IL1RAPL2: variants seen among roughly 807,000 people sequenced by gnomAD.
The protein encoded by IL1RAPL2 is X-linked interleukin-1 receptor accessory protein-like 2.
In IL1RAPL2, 3 loss-of-function variants were observed where a neutral mutation model predicts 44.1. The observed-to-expected ratio is 0.07, with a 90% CI of 0.03 to 0.18. The LOEUF (loss-of-function observed/expected upper bound fraction) is 0.18. IL1RAPL2 is among the 10% of genes least tolerant of loss of function. The pLI is 1.00. For synonymous variants in IL1RAPL2, 181 were observed against 178.8 expected (o/e 1.01, Z -0.10); for missense variants, 391 against 496.4 (o/e 0.79, Z 2.02).
At chrX:105,368,742 G>A (rs931401498) in intron 5 of IL1RAPL2, among the ~76,000 whole-genome samples, 6 of 111,209 alleles carry the variant, frequency 5.4e-5, no homozygotes, top group African/African-American at 2.0e-4. Context: ...TCACACTTGG[G>A]AAGTTTTCTG....
chrX:105,710,640 GTAGAT>G (rs2038201950), intron 6 of IL1RAPL2, among the ~76,000 whole-genome samples: 1 of 109,451 alleles, frequency 9.1e-6, no homozygotes, highest in African/African-American at 3.3e-5. Flanking sequence ...CTTTTTTTTA[GTAGAT>G]TAAACACTGT....
chrX:104,705,531 T>C (rs1931351237), intron 2 of IL1RAPL2, among the ~76,000 whole-genome samples: 1 of 111,288 alleles, frequency 9.0e-6, no homozygotes, highest in South Asian at 3.8e-4. Flanking sequence ...AGGTTATTTC[T>C]GCCCACCCAC....
chrX:105,566,053 G>A (rs958688402), intron 6 of IL1RAPL2, among the ~76,000 whole-genome samples: 1 of 111,088 alleles, frequency 9.0e-6, no homozygotes, highest in Non-Finnish European at 1.9e-5. Context: ...ATGGAGGGAG[G>A]GGGAGCTAGT....
At chrX:105,043,436 G>T (rs1007336489) in intron 2 of IL1RAPL2, among the ~76,000 whole-genome samples, 1 of 108,339 alleles carries the variant, frequency 9.2e-6, no homozygotes, top group African/African-American at 3.4e-5. Context: ...ATTTAGACTT[G>T]GGAGGCAGCC....
At chrX:105,539,950 C>G (rs2036707765) in intron 6 of IL1RAPL2, among the ~76,000 whole-genome samples, 2 of 110,789 alleles carry the variant, frequency 1.8e-5, no homozygotes, top group African/African-American at 6.6e-5. Flanking sequence ...TAGAGAAATG[C>G]AAATCAAAAC....
At chrX:105,353,539 C>T (rs1312658808) in intron 5 of IL1RAPL2, among the ~76,000 whole-genome samples, 1 of 111,716 alleles carries the variant, frequency 9.0e-6, no homozygotes, top group Admixed American at 9.6e-5. Flanking sequence ...GCCATTTTCA[C>T]GATATTGCTT....
At chrX:105,116,491 C>A (rs745829721) in intron 2 of IL1RAPL2, among the ~76,000 whole-genome samples, 1 of 98,258 alleles carries the variant, frequency 1.0e-5, no homozygotes, top group South Asian at 3.8e-4. Flanking sequence ...TTTCCCATAG[C>A]AGATTGACAT....
chrX:104,655,316 A>T (rs1337554984), intron 1 of IL1RAPL2, among the ~76,000 whole-genome samples: 1 of 111,188 alleles, frequency 9.0e-6, no homozygotes, highest in Non-Finnish European at 1.9e-5. Context: ...GTTTGTCATA[A>T]ATGGCTCTTA....
At chrX:105,188,548 A>T (rs1380722242) in intron 2 of IL1RAPL2, among the ~76,000 whole-genome samples, 1 of 111,517 alleles carries the variant, frequency 9.0e-6, no homozygotes, top group Non-Finnish European at 1.9e-5. Flanking sequence ...CATTGCACAG[A>T]TTCTATAATG....
intron 2 of IL1RAPL2, among the ~76,000 whole-genome samples, chrX:104,791,126 G>A (rs1444770831): frequency 9.1e-6 from 1 of 110,465 alleles, no homozygotes; most frequent in Non-Finnish European, 1.9e-5. Context: ...CTTTGGTATA[G>A]GAGAAAGAAA....
chrX:104,692,478 T>C (rs762830507), intron 2 of IL1RAPL2, among the ~76,000 whole-genome samples: 1 of 109,636 alleles, frequency 9.1e-6, no homozygotes, highest in South Asian at 4.1e-4. Context: ...ATTAGGTATA[T>C]CTCCTAATGC....
rs761638386 is a variant in IL1RAPL2, at chrX:104,840,412, C to T, written c.82+181417C>T. ...TTAATCCTGTGTTCTAATTTGATTG[C>T]ACTGTGGTCTGAGAGACTGTTTGTT... On this transcript the variant is annotated intron_variant, in intron 2 of 10. Transcript: ENST00000372582. Among the ~76,000 whole-genome samples, 50 of 111,874 alleles carry T rather than the reference C, an allele frequency of 4.5e-4. 1 individual carries two copies. Among genetic ancestry groups the T allele is most frequent in the South Asian group, 2.6e-3 (7 of 2,670 alleles).
rs371879276 is a variant in IL1RAPL2, at chrX:104,683,570, A to G, written c.82+24575A>G. 9.8e-5 allele frequency among the ~76,000 whole-genome samples: 11 copies of G among 112,304 alleles called. No homozygotes were observed. In the East Asian group the frequency reaches 2.8e-3, roughly 29 times the overall value. ...AATATTTTGTTTGAAAACCATATGCACTGACATGGTGAGAGTGCATAATAG... is the reference window on the plus strand; with the variant it reads ...AATATTTTGTTTGAAAACCATATGCGCTGACATGGTGAGAGTGCATAATAG... On this transcript the variant is annotated intron_variant, in intron 2 of 10. Transcript: ENST00000372582.
At chrX:105,305,367 G>A (rs765579519) in intron 5 of IL1RAPL2, among the ~76,000 whole-genome samples, 1 of 110,829 alleles carries the variant, frequency 9.0e-6, no homozygotes, top group East Asian at 2.8e-4. Context: ...CACACGCACG[G>A]ATCTATTTTT....
At chrX:104,791,188 T>G (rs1251116098) in intron 2 of IL1RAPL2, among the ~76,000 whole-genome samples, 2 of 106,433 alleles carry the variant, frequency 1.9e-5, no homozygotes, top group Admixed American at 2.1e-4. Flanking sequence ...GCCCTGCCCT[T>G]CCCTTCCCTG....
intron 2 of IL1RAPL2, among the ~76,000 whole-genome samples, chrX:104,984,289 CA>C (rs951210862): frequency 9.0e-6 from 1 of 111,260 alleles, no homozygotes; most frequent in Non-Finnish European, 1.9e-5. Context: ...GAAAAAAATA[CA>C]AAAAAGTACT....
At chrX:105,120,729 T>G (rs2032915500) in intron 2 of IL1RAPL2, among the ~76,000 whole-genome samples, 1 of 112,029 alleles carries the variant, frequency 8.9e-6, no homozygotes, top group Non-Finnish European at 1.9e-5. Flanking sequence ...TGCAGAAGTT[T>G]TAAATTATTT....
intron 6 of IL1RAPL2, among the ~76,000 whole-genome samples, chrX:105,553,411 A>C (rs755415671): frequency 1.8e-5 from 2 of 111,622 alleles, no homozygotes; most frequent in African/African-American, 6.5e-5. Flanking sequence ...AAGTAGCTAA[A>C]AGGAATTTTA....
intron 1 of IL1RAPL2, among the ~76,000 whole-genome samples, chrX:104,605,865 T>A (rs1368023566): frequency 9.0e-6 from 1 of 111,670 alleles, no homozygotes; most frequent in South Asian, 3.8e-4. Context: ...ACCAGATGGA[T>A]TCACAGCCAA....
Sources: gnomAD v4.1 joint callset for allele counts (sites outside exome capture counted in the v4.1 genomes callset) on GRCh38, gnomAD v4.1.1 for gene constraint, MANE v1.5 for transcripts, NCBI Gene and HGNC (gene_info 2026-07-23, HGNC 2026-07-21) for gene names.